The following DHRS7B variants were observed in gnomAD, a reference collection of about 807,000 sequenced individuals.
DHRS7B encodes dehydrogenase/reductase 7B, also known as peroxisomal reductase activating PPAR-gamma.
A neutral mutation model predicts 26.4 loss-of-function variants in DHRS7B; 24 were observed. The ratio of observed to expected loss-of-function variants is 0.91; its 90% CI spans 0.66 to 1.28. The LOEUF (loss-of-function observed/expected upper bound fraction) is 1.28. Ranked by LOEUF, DHRS7B falls within the 50% of genes most tolerant of loss-of-function variation. DHRS7B has a pLI of 0.00. For synonymous variants in DHRS7B, 142 were observed against 166.4 expected, an observed-to-expected ratio of 0.85 and a Z score of 1.13; for missense variants, 368 against 419.4, an observed-to-expected ratio of 0.88 and a Z score of 1.07.
chr17:21,137,236 G>T (rs1973364424), intron 1 of DHRS7B, among the ~76,000 whole-genome samples: 1 of 150,294 alleles, frequency 6.7e-6, no homozygotes, highest in South Asian at 2.1e-4. Context: ...CTCCTAAACT[G>T]CTGGAATTAT....
chr17:21,135,234 C>A (rs908106906), intron 1 of DHRS7B, among the ~76,000 whole-genome samples: 2 of 152,056 alleles, frequency 1.3e-5, no homozygotes, highest in East Asian at 3.8e-4. Context: ...GAACACATAC[C>A]AATAACATAT....
At chr17:21,178,151 CA>C in intron 2 of DHRS7B, 81 bp from the exon 3 acceptor site, 2 of 1,332,924 alleles carry the variant, frequency 1.5e-6, no homozygotes, top group Non-Finnish European at 1.1e-6. Context: ...GGGTGTGAAG[CA>C]GCAAACAGCA....
chr17:21,173,778 G>T (rs1000418377), intron 2 of DHRS7B, among the ~76,000 whole-genome samples: 3 of 152,176 alleles, frequency 2.0e-5, no homozygotes, highest in Non-Finnish European at 4.4e-5. Context: ...TATATATAGG[G>T]TGGTCAGCAG....
chr17:21,188,582 C>A, intron 5 of DHRS7B, 129 bp from the exon 6 acceptor site: 2 of 1,113,110 alleles, frequency 1.8e-6, no homozygotes, highest in Non-Finnish European at 2.5e-6. Context: ...GCCTAAGCAA[C>A]ATAGCAAGAC....
chr17:21,154,135 C>A (rs553694113), intron 1 of DHRS7B, among the ~76,000 whole-genome samples: 30 of 152,090 alleles, frequency 2.0e-4, no homozygotes, highest in Admixed American at 5.2e-4. Flanking sequence ...CATGGTGAAA[C>A]CCTGTCTCTA....
intron 1 of DHRS7B, chr17:21,171,741 A>G (rs1259643330): frequency 3.7e-6 from 2 of 543,056 alleles, no homozygotes; most frequent in Non-Finnish European, 6.7e-6. Context: ...GTGGGTGACT[A>G]TGTCCTAGGC....
intron 1 of DHRS7B, among the ~76,000 whole-genome samples, chr17:21,142,984 C>T (rs1446083141): frequency 2.0e-5 from 3 of 152,156 alleles, no homozygotes; most frequent in Admixed American, 6.5e-5. Context: ...ACTGGAGTGC[C>T]GTGGCACAAT....
At chr17:21,164,466 G>C (rs1201989041) in intron 1 of DHRS7B, among the ~76,000 whole-genome samples, 1 of 152,188 alleles carries the variant, frequency 6.6e-6, no homozygotes, top group Non-Finnish European at 1.5e-5. Flanking sequence ...TTGGCATCTT[G>C]TCTGTCTTGT....
chr17:21,168,288 C>A (rs1289774975), intron 1 of DHRS7B, among the ~76,000 whole-genome samples: 1 of 152,198 alleles, frequency 6.6e-6, no homozygotes, highest in Non-Finnish European at 1.5e-5. Context: ...GAACCTGATT[C>A]TCAGATAAAT....
intron 1 of DHRS7B, among the ~76,000 whole-genome samples, chr17:21,143,217 G>A (rs1567617808): frequency 6.6e-6 from 1 of 152,066 alleles, no homozygotes; most frequent in Non-Finnish European, 1.5e-5. Flanking sequence ...GTGAGCCACC[G>A]CACCCAGCCT....
chr17:21,175,353 C>T (rs535795933), intron 2 of DHRS7B, among the ~76,000 whole-genome samples: 1 of 152,358 alleles, frequency 6.6e-6, no homozygotes, highest in East Asian at 1.9e-4. Context: ...CCCCTCTGAC[C>T]TTTCCTTCCC....
intron 5 of DHRS7B, among the ~76,000 whole-genome samples, chr17:21,186,001 CTAAAT>C (rs533923641): frequency 1.0e-3 from 158 of 152,270 alleles, no homozygotes; most frequent in African/African-American, 3.7e-3. Context: ...GTTCTTTATA[CTAAAT>C]TATTTTCAAG....
rs138662302 is a variant in DHRS7B, at chr17:21,162,251, G to C, written c.21-9767G>C. Among the ~76,000 whole-genome samples the C allele has an allele frequency of 6.1e-3, 926 of 152,228 alleles. 8 individuals are homozygous for C. The highest frequency in any genetic ancestry group is 0.021 in the African/African-American group (886 of 41,532). The stretch of plus-strand genomic sequence containing the variant: ...TAGCGAATGACATACTTTTGCTCTG[G>C]GATGTGATTTGTTTGCCGTAATTCG... On this transcript the variant is annotated intron_variant, in intron 1 of 6. Coordinates refer to ENST00000395511, the MANE Select transcript of DHRS7B (RefSeq NM_015510.5).
chr17:21,166,389 A>G, intron 1 of DHRS7B: 3 of 985,412 alleles, frequency 3.0e-6, no homozygotes, highest in Non-Finnish European at 3.6e-6. Flanking sequence ...TGCTGACCTG[A>G]AGGTGTCCTC....
chr17:21,177,751 A>T (rs1247650020), intron 2 of DHRS7B, among the ~76,000 whole-genome samples: 1 of 152,210 alleles, frequency 6.6e-6, no homozygotes, highest in Non-Finnish European at 1.5e-5. Context: ...AGATCTGGGA[A>T]GGGCCTCGGT....
At chr17:21,156,344 G>A (rs906306671) in intron 1 of DHRS7B, among the ~76,000 whole-genome samples, 6 of 152,248 alleles carry the variant, frequency 3.9e-5, no homozygotes, top group South Asian at 2.1e-4. Flanking sequence ...GGGGGTTCAC[G>A]CCTGTAATCC....
chr17:21,174,029 A>C (rs1169642954), intron 2 of DHRS7B, among the ~76,000 whole-genome samples: 1 of 152,164 alleles, frequency 6.6e-6, no homozygotes, highest in African/African-American at 2.4e-5. Flanking sequence ...CCTGGATTCC[A>C]GTCACTGCTT....
intron 1 of DHRS7B, among the ~76,000 whole-genome samples, chr17:21,153,216 C>G (rs1467432833): frequency 6.6e-6 from 1 of 151,966 alleles, no homozygotes; most frequent in African/African-American, 2.4e-5. Context: ...AGAAGAAAAA[C>G]AAAATGCTAG....
chr17:21,150,119 A>AAC (rs1973734231), intron 1 of DHRS7B, among the ~76,000 whole-genome samples: 1 of 118,780 alleles, frequency 8.4e-6, no homozygotes, highest in Non-Finnish European at 1.9e-5. Context: ...AAAAAAAAAA[A>AAC]AAAAAAAAAA....
Sources: gnomAD v4.1 joint callset for allele counts (sites outside exome capture counted in the v4.1 genomes callset) on GRCh38, gnomAD v4.1.1 for gene constraint, MANE v1.5 for transcripts, NCBI Gene and HGNC (gene_info 2026-07-23, HGNC 2026-07-21) for gene names.